The following TBC1D4 variants were observed in gnomAD, a reference collection of about 807,000 sequenced individuals.
The protein encoded by TBC1D4 is TBC (Tre-2, BUB2, CDC16) domain-containing protein.
In TBC1D4, 121 loss-of-function variants were observed where a neutral mutation model predicts 142.5. The observed-to-expected ratio is 0.85, with a 90% CI of 0.73 to 0.99. TBC1D4 has a LOEUF of 0.99. Ranked by LOEUF, TBC1D4 falls within the 50% of genes least tolerant of loss-of-function variation. The pLI is 0.00. For synonymous variants in TBC1D4, 630 were observed against 628.2 expected, an observed-to-expected ratio of 1.00 and a Z score of -0.04; for missense variants, 1,475 against 1,606.6, an observed-to-expected ratio of 0.92 and a Z score of 1.40.
At chr13:75,442,432 A>G in intron 1 of TBC1D4, among the ~76,000 whole-genome samples, 1 of 152,354 alleles carries the variant, frequency 6.6e-6, no homozygotes, top group South Asian at 2.1e-4. Flanking sequence ...ATCCCAAAAC[A>G]GAAAACAAAT....
intron 1 of TBC1D4, among the ~76,000 whole-genome samples, chr13:75,426,247 T>C (rs1886366334): frequency 1.3e-5 from 2 of 152,062 alleles, no homozygotes. Flanking sequence ...ACCACCTCAC[T>C]CCTCTTAGGA....
intron 14 of TBC1D4, among the ~76,000 whole-genome samples, chr13:75,308,903 C>G (rs1379352015): frequency 1.3e-5 from 2 of 152,008 alleles, no homozygotes; most frequent in Non-Finnish European, 2.9e-5. Flanking sequence ...AAAATGTGCT[C>G]TTGCAAACTA....
intron 6 of TBC1D4, 33 bp from the exon 7 acceptor site, chr13:75,341,268 G>A: frequency 6.4e-7 from 1 of 1,559,132 alleles, no homozygotes. Flanking sequence ...GAACACTATG[G>A]CAACACCACT....
chr13:75,363,494 A>G (rs1593794482), intron 1 of TBC1D4, among the ~76,000 whole-genome samples: 1 of 152,214 alleles, frequency 6.6e-6, no homozygotes, highest in Non-Finnish European at 1.5e-5. Context: ...CAGAAACTCA[A>G]AAGAATGTAA....
At position 75,284,715 on chromosome 13, in the gene TBC1D4, C is replaced by T. The variant is rs1046373545; in HGVS notation, c.*2077G>A. The T allele has an allele frequency of 6.6e-6, 1 of 152,206 alleles. No individual in the cohort carries two copies. Among genetic ancestry groups the T allele is most frequent in the African/African-American group, 2.4e-5 (1 of 41,454 alleles). 9.4% of individuals were successfully genotyped at this position (152,206 alleles called of 1,614,324 possible). On this transcript the variant is annotated 3_prime_UTR_variant, in exon 21 of 21. Coordinates refer to ENST00000377636, the MANE Select transcript of TBC1D4 (RefSeq NM_014832.5). ...TTTATTGCAAAGGAACTAGACATTA[C>T]ATTAACCTGATGAAGATGTAACGAT...
intron 1 of TBC1D4, among the ~76,000 whole-genome samples, chr13:75,445,392 C>A (rs1362840435): frequency 6.6e-6 from 1 of 152,154 alleles, no homozygotes; most frequent in Non-Finnish European, 1.5e-5. Context: ...GTTGTAGATA[C>A]TCAAATATGA....
intron 1 of TBC1D4, among the ~76,000 whole-genome samples, chr13:75,454,033 T>G (rs1887634665): frequency 6.6e-6 from 1 of 152,070 alleles, no homozygotes; most frequent in African/African-American, 2.4e-5. Flanking sequence ...CTATTTTTTT[T>G]TTTTTTGAGA....
chr13:75,402,830 A>G (rs548742227), intron 1 of TBC1D4, among the ~76,000 whole-genome samples: 1 of 152,318 alleles, frequency 6.6e-6, no homozygotes, highest in African/African-American at 2.4e-5. Context: ...AGACTTTTTA[A>G]TATCTAAAAA....
chr13:75,402,026 C>A (rs181166165), intron 1 of TBC1D4, among the ~76,000 whole-genome samples: 1 of 152,092 alleles, frequency 6.6e-6, no homozygotes, highest in Admixed American at 6.5e-5. Context: ...TGAGCCCTTC[C>A]TCCTGCATCT....
intron 2 of TBC1D4, among the ~76,000 whole-genome samples, chr13:75,361,307 GA>G (rs541438845): frequency 1.0e-3 from 156 of 152,092 alleles, no homozygotes; most frequent in African/African-American, 3.5e-3. Context: ...TTCTTCTCTA[GA>G]AAAAAAGTCC....
intron 1 of TBC1D4, among the ~76,000 whole-genome samples, chr13:75,374,648 T>C (rs1224360020): frequency 6.6e-6 from 1 of 152,148 alleles, no homozygotes; most frequent in East Asian, 1.9e-4. Flanking sequence ...AATGTGATAA[T>C]GGGGCCTGAA....
chr13:75,355,286 T>C (rs1357271204), intron 4 of TBC1D4, among the ~76,000 whole-genome samples: 1 of 152,198 alleles, frequency 6.6e-6, no homozygotes, highest in African/African-American at 2.4e-5. Context: ...TAATTTTCTG[T>C]AAACTTTTCT....
At chr13:75,457,309 C>T (rs1432549037) in intron 1 of TBC1D4, among the ~76,000 whole-genome samples, 1 of 152,162 alleles carries the variant, frequency 6.6e-6, no homozygotes, top group Non-Finnish European at 1.5e-5. Context: ...TCTATTGATA[C>T]TTTTGCCCAG....
Position 75,391,297 on chromosome 13 carries a change from C to T in TBC1D4, c.499-28690G>A, listed in dbSNP as rs35910483. 2.0e-3 allele frequency among the ~76,000 whole-genome samples: 309 copies of T among 152,192 alleles called. No individual in the cohort carries two copies. In the Middle Eastern group the frequency reaches 0.034, roughly 17 times the overall value. On this transcript the variant is annotated intron_variant, in intron 1 of 20. Coordinates refer to ENST00000377636, the MANE Select transcript of TBC1D4 (RefSeq NM_014832.5). ...TTTCTAACTACTACGCCAATTCTCTCCTCCTAGATGCAGTTAAACTCCAAA... is the reference window on the plus strand; with the variant it reads ...TTTCTAACTACTACGCCAATTCTCTTCTCCTAGATGCAGTTAAACTCCAAA...
chr13:75,366,437 T>C (rs911794248), intron 1 of TBC1D4, among the ~76,000 whole-genome samples: 1 of 98,826 alleles, frequency 1.0e-5, no homozygotes, highest in East Asian at 2.5e-4. Context: ...CAGGATAATG[T>C]ACAATCAAGA....
intron 1 of TBC1D4, among the ~76,000 whole-genome samples, chr13:75,416,344 C>T (rs919586599): frequency 4.6e-5 from 7 of 152,166 alleles, no homozygotes; most frequent in African/African-American, 9.6e-5. Flanking sequence ...AAGTAATCTC[C>T]GTACTTCTCA....
At chr13:75,356,352 C>T (rs915038775) in intron 3 of TBC1D4, 101 bp from the exon 4 acceptor site, 25 of 839,598 alleles carry the variant, frequency 3.0e-5, no homozygotes, top group East Asian at 1.1e-4. Flanking sequence ...CACAGTTCTA[C>T]GAATTTCTCC....
chr13:75,392,659 A>G (rs1884551831), intron 1 of TBC1D4, among the ~76,000 whole-genome samples: 1 of 147,160 alleles, frequency 6.8e-6, no homozygotes, highest in Admixed American at 6.9e-5. Context: ...TTTAAGAGAC[A>G]GAGTCTCTCT....
At chr13:75,409,518 C>T (rs1447591818) in intron 1 of TBC1D4, among the ~76,000 whole-genome samples, 1 of 152,188 alleles carries the variant, frequency 6.6e-6, no homozygotes, top group African/African-American at 2.4e-5. Context: ...GGTTCCCCCC[C>T]TCTTCAAAAT....
Sources: gnomAD v4.1 joint callset for allele counts (sites outside exome capture counted in the v4.1 genomes callset) on GRCh38, gnomAD v4.1.1 for gene constraint, MANE v1.5 for transcripts, NCBI Gene and HGNC (gene_info 2026-07-23, HGNC 2026-07-21) for gene names.